The following GTF2E2 variants were observed in gnomAD, a reference collection of about 807,000 sequenced individuals.
The protein encoded by GTF2E2 is general transcription factor IIE subunit 2, also known as transcription initiation factor IIE subunit beta.
Under a neutral mutation model 40.5 loss-of-function variants are expected in GTF2E2, and 21 were observed. That is an observed-to-expected ratio of 0.52 (90% CI 0.37 to 0.75). GTF2E2 has a LOEUF of 0.75. GTF2E2 is among the 30% of genes least tolerant of loss of function. The pLI is 0.00. For synonymous variants in GTF2E2, 117 were observed against 121.6 expected, an observed-to-expected ratio of 0.96 and a Z score of 0.25; for missense variants, 298 against 338.4, an observed-to-expected ratio of 0.88 and a Z score of 0.94.
intron 3 of GTF2E2, among the ~76,000 whole-genome samples, chr8:30,619,581 G>T (rs1801025788): frequency 6.6e-6 from 1 of 151,304 alleles, no homozygotes. Flanking sequence ...TAGAGACGGG[G>T]TTTCACCATG....
chr8:30,612,452 T>C lies in GTF2E2; in HGVS notation c.396A>G (p.Val132=). The C allele has an allele frequency of 1.2e-6, 2 of 1,611,586 alleles. No individual in the cohort carries two copies. Among genetic ancestry groups the C allele is most frequent in the Admixed American group, 1.7e-5 (1 of 59,932 alleles). Residue 132 remains valine (V), a synonymous_variant, in exon 5 of 8, where the codon GTA becomes GTG. Transcript: ENST00000355904. ...EALVNNPKIE[V]IDGKYAFKPK... is the part of the protein sequence containing the mutation. ...GCTTGAAAGCATACTTCCCATCTATTACTTCAATTTTGGGATTGTTGACTA... is the reference window on the plus strand; with the variant it reads ...GCTTGAAAGCATACTTCCCATCTATCACTTCAATTTTGGGATTGTTGACTA...
At chr8:30,614,405 C>T (rs971239026) in intron 4 of GTF2E2, among the ~76,000 whole-genome samples, 2 of 152,136 alleles carry the variant, frequency 1.3e-5, no homozygotes, top group Non-Finnish European at 2.9e-5. Context: ...CATGGTGAAA[C>T]CCCGTCTCTA....
At chr8:30,600,632 A>G (rs1386165468) in intron 6 of GTF2E2, among the ~76,000 whole-genome samples, 2 of 152,216 alleles carry the variant, frequency 1.3e-5, no homozygotes, top group African/African-American at 4.8e-5. Context: ...AAAAAAAGAT[A>G]AAACCTACAA....
Position 30,609,049 on chromosome 8 carries a change from G to A in GTF2E2, c.550-1899C>T, listed in dbSNP as rs1031498715. Among the ~76,000 whole-genome samples, 16 of 152,130 alleles carry A rather than the reference G, an allele frequency of 1.1e-4. 1 individual carries two copies. In the South Asian group the frequency reaches 2.9e-3, roughly 28 times the overall value. On this transcript the variant is annotated intron_variant, in intron 5 of 7. Coordinates refer to ENST00000355904, the MANE Select transcript of GTF2E2 (RefSeq NM_002095.6). ...CAGGCGTGAGCCACTGCACTCGGCC[G>A]AGGTCAGGAGTTTTGAGACCAGCCT...
chr8:30,619,520 C>T (rs977509778), intron 3 of GTF2E2, among the ~76,000 whole-genome samples: 2 of 150,986 alleles, frequency 1.3e-5, no homozygotes, highest in Non-Finnish European at 2.9e-5. Flanking sequence ...TCCCAAGTAG[C>T]TGGGACTATA....
At chr8:30,583,658 G>C (rs1478388921) in intron 6 of GTF2E2, among the ~76,000 whole-genome samples, 1 of 152,096 alleles carries the variant, frequency 6.6e-6, no homozygotes, top group Non-Finnish European at 1.5e-5. Context: ...GGGATTACCA[G>C]CCTGAGCCAC....
intron 3 of GTF2E2, among the ~76,000 whole-genome samples, chr8:30,618,948 C>A (rs1801004821): frequency 6.6e-6 from 1 of 152,144 alleles, no homozygotes; most frequent in African/African-American, 2.4e-5. Context: ...CTAACCTTCA[C>A]TATTATCTTC....
intron 1 of GTF2E2, among the ~76,000 whole-genome samples, chr8:30,653,830 A>T (rs1249148716): frequency 1.3e-5 from 2 of 152,166 alleles, no homozygotes; most frequent in Non-Finnish European, 2.9e-5. Context: ...GGCCAGGCAT[A>T]GTGGCTGAAG....
rs746516261 is a variant in GTF2E2, at chr8:30,580,265, G to A, written c.759+16C>T. 7 of 1,370,500 alleles carry A rather than the reference G, an allele frequency of 5.1e-6. No individual in the cohort carries two copies. Among genetic ancestry groups the A allele is most frequent in the South Asian group, 1.2e-5 (1 of 86,136 alleles). The allele number at this position is 1,370,500 out of a possible 1,614,324, so 84.9% of individuals were successfully genotyped here. On this transcript the variant is annotated intron_variant, in intron 7 of 7. Coordinates refer to ENST00000355904, the MANE Select transcript of GTF2E2 (RefSeq NM_002095.6). The stretch of plus-strand genomic sequence containing the variant: ...CCAGGGCAGGGGATTAAGCTGCTTT[G>A]CTAGAGATTACGCACCACTTTCTTT...
chr8:30,637,269 G>A (rs1204088500), intron 2 of GTF2E2: 1 of 455,888 alleles, frequency 2.2e-6, no homozygotes, highest in Non-Finnish European at 4.4e-6. Flanking sequence ...TAAACAACTG[G>A]GAAGACTATG....
Position 30,612,462 on chromosome 8 carries a change from T to C in GTF2E2, c.386A>G (p.Lys129Arg), listed in dbSNP as rs1320180200. The change falls in exon 5 of 8, where the codon AAA becomes AGA. Residue 129 changes from lysine to arginine, a missense_variant. Physicochemically the swap from Lys to Arg is conservative, Grantham distance 26. Coordinates refer to ENST00000355904, the MANE Select transcript of GTF2E2 (RefSeq NM_002095.6). ...ATACTTCCCATCTATTACTTCAATT[T>C]TGGGATTGTTGACTAAAGCCTGTAA... ...LMTEALVNNP[K>R]IEVIDGKYAF... 3 of 1,609,422 alleles carry C rather than the reference T, an allele frequency of 1.9e-6. No homozygotes were observed. Among genetic ancestry groups the C allele is most frequent in the Non-Finnish European group, 2.5e-6 (3 of 1,176,716 alleles).
chr8:30,595,668 AG>A (rs753989654), intron 6 of GTF2E2, among the ~76,000 whole-genome samples: 2 of 152,148 alleles, frequency 1.3e-5, no homozygotes, highest in Non-Finnish European at 2.9e-5. Context: ...CATCTCTACT[AG>A]AAATACAAAA....
intron 2 of GTF2E2, among the ~76,000 whole-genome samples, chr8:30,642,236 G>T (rs1801863306): frequency 6.7e-6 from 1 of 148,300 alleles, no homozygotes; most frequent in Non-Finnish European, 1.5e-5. Context: ...GATTTAACTA[G>T]ATGTGTTACA....
intron 1 of GTF2E2, among the ~76,000 whole-genome samples, chr8:30,654,046 G>A (rs1183950950): frequency 6.8e-6 from 1 of 147,602 alleles, no homozygotes; most frequent in Non-Finnish European, 1.5e-5. Context: ...CTGTGATAAT[G>A]CCACTGCACT....
chr8:30,625,724 G>C (rs545292023), intron 3 of GTF2E2, among the ~76,000 whole-genome samples: 1 of 152,222 alleles, frequency 6.6e-6, no homozygotes, highest in Admixed American at 6.5e-5. Context: ...TCAGCCTCCT[G>C]AGTAGCTGGG....
intron 6 of GTF2E2, among the ~76,000 whole-genome samples, chr8:30,581,132 T>A (rs1024164092): frequency 3.9e-5 from 6 of 152,206 alleles, no homozygotes; most frequent in African/African-American, 1.4e-4. Flanking sequence ...TTTCACTTAA[T>A]TATCAGAAGC....
At chr8:30,593,110 C>T (rs753642634) in intron 6 of GTF2E2, among the ~76,000 whole-genome samples, 2 of 152,212 alleles carry the variant, frequency 1.3e-5, no homozygotes, top group Non-Finnish European at 2.9e-5. Context: ...AGGAGAATCA[C>T]TTGAACCCGG....
At chr8:30,629,156 T>G (rs1585983099) in intron 3 of GTF2E2, among the ~76,000 whole-genome samples, 1 of 152,312 alleles carries the variant, frequency 6.6e-6, no homozygotes, top group Admixed American at 6.5e-5. Context: ...TTTAAAAAAT[T>G]TTTATACCTG....
intron 3 of GTF2E2, among the ~76,000 whole-genome samples, chr8:30,626,246 G>A (rs1163024513): frequency 6.6e-6 from 1 of 152,168 alleles, no homozygotes; most frequent in Non-Finnish European, 1.5e-5. Flanking sequence ...CACCACTTTG[G>A]GAGGCCAACG....
Sources: gnomAD v4.1 joint callset for allele counts (sites outside exome capture counted in the v4.1 genomes callset) on GRCh38, gnomAD v4.1.1 for gene constraint, MANE v1.5 for transcripts, NCBI Gene and HGNC (gene_info 2026-07-23, HGNC 2026-07-21) for gene names.